SLC9A9: variants seen among roughly 807,000 people sequenced by gnomAD.
SLC9A9 encodes the protein solute carrier family 9 member A9.
Under a neutral mutation model 77.8 loss-of-function variants are expected in SLC9A9, and 62 were observed. The ratio of observed to expected loss-of-function variants is 0.80; its 90% CI spans 0.65 to 0.98. The LOEUF (loss-of-function observed/expected upper bound fraction) is 0.98, where lower values mean the gene tolerates loss of function less well. SLC9A9 is among the 50% of genes least tolerant of loss of function. SLC9A9 has a pLI of 0.00. For missense variants in SLC9A9, 775 were observed against 774.9 expected (o/e 1.00, Z 0.00); for synonymous variants, 320 against 283.5 (o/e 1.13, Z -1.29).
chr3:143,291,589 G>A, intron 14 of SLC9A9, among the ~76,000 whole-genome samples: 1 of 152,302 alleles, frequency 6.6e-6, no homozygotes, highest in South Asian at 2.1e-4. Context: ...AGGCTATTGG[G>A]CTGGAGACAT....
At chr3:143,677,697 C>CTGTT (rs1274913598) in intron 5 of SLC9A9, among the ~76,000 whole-genome samples, 7 of 152,090 alleles carry the variant, frequency 4.6e-5, no homozygotes, top group Non-Finnish European at 5.9e-5. Flanking sequence ...TGTTGCCAAA[C>CTGTT]TGTTAGGGGT....
chr3:143,701,216 A>G (rs1013911416), intron 4 of SLC9A9, among the ~76,000 whole-genome samples: 2 of 152,212 alleles, frequency 1.3e-5, no homozygotes, highest in South Asian at 2.1e-4. Flanking sequence ...AAAGACTACA[A>G]TAAATAGCCA....
chr3:143,475,196 T>C (rs1462778917), intron 11 of SLC9A9, among the ~76,000 whole-genome samples: 1 of 151,498 alleles, frequency 6.6e-6, no homozygotes, highest in Non-Finnish European at 1.5e-5. Context: ...TTCGATTTCC[T>C]GACTCTGTGA....
At chr3:143,279,574 C>T (rs2108404853) in intron 14 of SLC9A9, among the ~76,000 whole-genome samples, 1 of 152,258 alleles carries the variant, frequency 6.6e-6, no homozygotes, top group South Asian at 2.1e-4. Flanking sequence ...AATCCCCCAC[C>T]ACTCAACGGG....
intron 5 of SLC9A9, among the ~76,000 whole-genome samples, chr3:143,668,503 A>T (rs974788462): frequency 2.0e-5 from 3 of 152,216 alleles, no homozygotes; most frequent in African/African-American, 7.2e-5. Flanking sequence ...AAATAAAAAA[A>T]GAAAGTAGCA....
intron 1 of SLC9A9, among the ~76,000 whole-genome samples, chr3:143,843,203 G>A (rs2009749682): frequency 6.6e-6 from 1 of 152,184 alleles, no homozygotes; most frequent in African/African-American, 2.4e-5. Flanking sequence ...TCTCCCATAG[G>A]CCTGGCAGTC....
At chr3:143,760,092 T>G (rs1427690340) in intron 4 of SLC9A9, among the ~76,000 whole-genome samples, 1 of 152,102 alleles carries the variant, frequency 6.6e-6, no homozygotes, top group Non-Finnish European at 1.5e-5. Context: ...GTGTTATAAA[T>G]ATAGAGAATA....
intron 2 of SLC9A9, among the ~76,000 whole-genome samples, chr3:143,817,153 T>A (rs1007947648): frequency 1.2e-3 from 183 of 149,814 alleles, no homozygotes; most frequent in African/African-American, 3.7e-3. Context: ...TTATTTTTTT[T>A]TTTTTTGAGA....
chr3:143,355,308 A>G (rs2032556670), intron 14 of SLC9A9, among the ~76,000 whole-genome samples: 1 of 152,246 alleles, frequency 6.6e-6, no homozygotes, highest in Non-Finnish European at 1.5e-5. Flanking sequence ...TATACACATT[A>G]CATGATGCCT....
intron 12 of SLC9A9, among the ~76,000 whole-genome samples, chr3:143,418,928 T>C (rs187082976): frequency 3.9e-5 from 6 of 152,242 alleles, no homozygotes; most frequent in Non-Finnish European, 7.4e-5. Flanking sequence ...TTATACACAA[T>C]GATTGTGCCA....
intron 4 of SLC9A9, among the ~76,000 whole-genome samples, chr3:143,719,639 G>A (rs1316407589): frequency 6.6e-6 from 1 of 152,116 alleles, no homozygotes; most frequent in African/African-American, 2.4e-5. Context: ...TCAACGCCTA[G>A]GTCAGTGCCA....
intron 12 of SLC9A9, among the ~76,000 whole-genome samples, chr3:143,443,826 A>T (rs925365068): frequency 2.6e-5 from 4 of 151,658 alleles, no homozygotes; most frequent in Non-Finnish European, 5.9e-5. Flanking sequence ...ATTTAACTCT[A>T]GTAGCAATTG....
intron 8 of SLC9A9, among the ~76,000 whole-genome samples, chr3:143,572,525 T>G (rs184336437): frequency 2.0e-4 from 31 of 152,360 alleles, no homozygotes; most frequent in African/African-American, 7.2e-4. Context: ...GTAAATGATT[T>G]GCCTACATTA....
At chr3:143,658,532 G>A (rs547047808) in intron 5 of SLC9A9, among the ~76,000 whole-genome samples, 75 of 152,240 alleles carry the variant, frequency 4.9e-4, no homozygotes, top group South Asian at 1.2e-3. Context: ...TAACTCCACT[G>A]TCACATTTCT....
rs547157439 is a variant in SLC9A9, at chr3:143,447,118, G to A, written c.1469+19919C>T. Among the ~76,000 whole-genome samples the A allele has an allele frequency of 1.8e-4, 27 of 152,302 alleles. No homozygotes were observed. The East Asian group carries it at 3.3e-3, about 19-fold the overall frequency. ...ATTGCAAATATACTTGGAGGAAGCC[G>A]AAGTTATAAAGTTGTTATTTATTTT... is the stretch of plus-strand genomic sequence containing the variant. On this transcript the variant is annotated intron_variant, in intron 12 of 15. Coordinates refer to ENST00000316549, the MANE Select transcript of SLC9A9 (RefSeq NM_173653.4).
chr3:143,589,287 G>C (rs1461891734), intron 6 of SLC9A9, among the ~76,000 whole-genome samples: 1 of 152,080 alleles, frequency 6.6e-6, no homozygotes, highest in Non-Finnish European at 1.5e-5. Flanking sequence ...GGAAATTATG[G>C]CTTAGATAGA....
At chr3:143,460,612 C>T (rs2035173874) in intron 12 of SLC9A9, among the ~76,000 whole-genome samples, 1 of 152,104 alleles carries the variant, frequency 6.6e-6, no homozygotes, top group South Asian at 2.1e-4. Context: ...TTCTCAAGAG[C>T]ACCTTCAGAG....
At chr3:143,704,994 A>G in intron 4 of SLC9A9, among the ~76,000 whole-genome samples, 1 of 78,530 alleles carries the variant, frequency 1.3e-5, no homozygotes, top group African/African-American at 4.4e-5. Context: ...CTCCATCTCA[A>G]ATATCTATCT....
At chr3:143,625,118 C>A (rs1398904966) in intron 6 of SLC9A9, among the ~76,000 whole-genome samples, 1 of 152,160 alleles carries the variant, frequency 6.6e-6, no homozygotes. Flanking sequence ...TAAAAGAAGA[C>A]ACAAACAAAT....
Sources: allele counts gnomAD v4.1 joint callset (sites outside exome capture counted in the v4.1 genomes callset), GRCh38; gene constraint gnomAD v4.1.1; transcripts MANE v1.5; gene names NCBI Gene and HGNC (gene_info 2026-07-23, HGNC 2026-07-21).